Variants in BRCC3 observed in about 807,000 individuals in gnomAD.
BRCC3 encodes the protein BRCA1/BRCA2-containing complex subunit 3, also known as lys-63-specific deubiquitinase BRCC36.
Under a neutral mutation model 28.0 loss-of-function variants are expected in BRCC3, and 15 were observed. The ratio of observed to expected loss-of-function variants is 0.54; its 90% CI spans 0.36 to 0.82. The LOEUF (loss-of-function observed/expected upper bound fraction) is 0.82. Ranked by LOEUF, BRCC3 falls within the 40% of genes least tolerant of loss-of-function variation. The probability of loss-of-function intolerance (pLI) is 0.01; values close to 1 mark genes in which losing one functional copy is unlikely to be tolerated. For missense variants in BRCC3, 109 were observed against 225.9 expected (o/e 0.48, Z 3.32); for synonymous variants, 66 against 80.3 (o/e 0.82, Z 0.95).
intron 7 of BRCC3, among the ~76,000 whole-genome samples, chrX:155,105,375 C>T (rs899195205): frequency 5.4e-5 from 6 of 111,357 alleles, no homozygotes; most frequent in Admixed American, 1.9e-4. Flanking sequence ...CCCAGCTACT[C>T]GGGAGGCTGA....
In BRCC3 at chrX:155,121,507, C is replaced by T. The variant is rs1229155968; in HGVS notation, c.*303C>T. 8.9e-6 allele frequency: 1 copy of T among 111,968 alleles called. No homozygotes were observed. Among genetic ancestry groups the T allele is most frequent in the Non-Finnish European group, 1.9e-5 (1 of 53,192 alleles). 9.2% of individuals were successfully genotyped at this position (111,968 alleles called of 1,213,427 possible). The stretch of plus-strand genomic sequence containing the variant: ...AATTATGCTAGAGCAATTAGACACC[C>T]ATGGCGAGGAGAAAAAAGAACCTCT... On this transcript the variant is annotated 3_prime_UTR_variant, in exon 11 of 11. Coordinates refer to ENST00000330045, the MANE Select transcript of BRCC3 (RefSeq NM_001018055.3).
chrX:155,096,863 G>A (rs2074213125), intron 7 of BRCC3, among the ~76,000 whole-genome samples: 1 of 112,126 alleles, frequency 8.9e-6, no homozygotes, highest in Non-Finnish European at 1.9e-5. Flanking sequence ...TGCTTATGCA[G>A]TCAACTAACC....
intron 4 of BRCC3, among the ~76,000 whole-genome samples, chrX:155,078,281 T>A (rs2074061071): frequency 1.8e-5 from 2 of 112,381 alleles, no homozygotes; most frequent in African/African-American, 6.5e-5. Flanking sequence ...CTAATGAGCA[T>A]TTTACAGGAT....
chrX:155,121,713 T>C lies in BRCC3; in HGVS notation c.*509T>C, dbSNP rs1228030310. 2.7e-5 allele frequency: 3 copies of C among 112,362 alleles called. No homozygotes were observed. The highest frequency in any genetic ancestry group is 9.7e-5 in the African/African-American group (3 of 30,939). The allele number at this position is 112,362 out of a possible 1,213,427, so 9.3% of individuals were successfully genotyped here. On this transcript the variant is annotated 3_prime_UTR_variant, in exon 11 of 11. Transcript: ENST00000330045. ...CATCCATAAAAGACAAAATCTGATATATTGGACTTCTTCAAAATTTAAAAA... is the reference window on the plus strand; with the variant it reads ...CATCCATAAAAGACAAAATCTGATACATTGGACTTCTTCAAAATTTAAAAA...
intron 8 of BRCC3, 92 bp downstream of exon 8, chrX:155,116,280 G>C: frequency 1.1e-6 from 1 of 883,038 alleles, no homozygotes; most frequent in Admixed American, 3.8e-5. Flanking sequence ...CTCAACTCTT[G>C]AGGCCCCTTC....
At chrX:155,104,010 G>A (rs1467139704) in intron 7 of BRCC3, among the ~76,000 whole-genome samples, 1 of 110,904 alleles carries the variant, frequency 9.0e-6, no homozygotes, top group African/African-American at 3.3e-5. Context: ...CACCTAGGCT[G>A]GAGTGCAGTC....
rs2073982892 is a variant in BRCC3, at chrX:155,071,642, ATAGGGGAGGTGAGTAGGTCTGT to A, written c.119_123+17del. The A allele has an allele frequency of 8.3e-7, 1 of 1,206,581 alleles. No homozygotes were observed. The highest frequency in any genetic ancestry group is 1.7e-5 in the African/African-American group (1 of 57,242). On this transcript the variant is annotated splice_donor_variant and splice_donor_5th_base_variant and coding_sequence_variant and intron_variant, in exon 1 of 11. Coordinates refer to ENST00000330045, the MANE Select transcript of BRCC3 (RefSeq NM_001018055.3). LOFTEE classifies it high-confidence loss of function. ...GAAGGAGGAAGTAATGGGGCTGTGC[ATAGGGGAGGTGAGTAGGTCTGT>A]TAGCCTGGATGGAACCCTGCTGAGC...
intron 5 of BRCC3, among the ~76,000 whole-genome samples, chrX:155,079,266 G>A (rs984270176): frequency 9.0e-6 from 1 of 111,268 alleles, no homozygotes; most frequent in Non-Finnish European, 1.9e-5. Context: ...TAATCCTTGT[G>A]GCAACCTGTG....
intron 7 of BRCC3, among the ~76,000 whole-genome samples, chrX:155,102,945 G>A (rs1044476362): frequency 1.5e-4 from 17 of 111,520 alleles, no homozygotes; most frequent in African/African-American, 5.2e-4. Context: ...GTGTGTGTGT[G>A]TGTGCGTGTG....
intron 3 of BRCC3, among the ~76,000 whole-genome samples, 155 bp from the exon 4 acceptor site, chrX:155,077,013 CTT>C (rs782352998): frequency 1.2e-4 from 13 of 111,432 alleles, no homozygotes; most frequent in Non-Finnish European, 1.7e-4. Context: ...GGTTGGGTGT[CTT>C]TTATTTGAAA....
chrX:155,081,134 C>G (rs1339753208), intron 5 of BRCC3, among the ~76,000 whole-genome samples: 6 of 110,369 alleles, frequency 5.4e-5, no homozygotes, highest in African/African-American at 2.0e-4. Context: ...AGTTGGAGAC[C>G]CACCTGGCCA....
intron 7 of BRCC3, among the ~76,000 whole-genome samples, chrX:155,102,710 T>C (rs1298897914): frequency 3.6e-5 from 4 of 112,561 alleles, no homozygotes; most frequent in African/African-American, 1.3e-4. Context: ...TGATGTTACC[T>C]GAAGATTTTT....
chrX:155,077,384 A>G (rs1164210358), intron 4 of BRCC3, 95 bp downstream of exon 4: 1 of 831,211 alleles, frequency 1.2e-6, no homozygotes, highest in Admixed American at 3.4e-5. Context: ...GTGGTTTCAC[A>G]AGTTTTCTTC....
At chrX:155,082,253 C>T (rs193057987) in intron 5 of BRCC3, among the ~76,000 whole-genome samples, 228 of 112,175 alleles carry the variant, frequency 2.0e-3, no homozygotes, top group Middle Eastern at 4.6e-3. Flanking sequence ...TAGCAACATA[C>T]ATGTACACAG....
intron 3 of BRCC3, among the ~76,000 whole-genome samples, chrX:155,076,036 T>C (rs1311842828): frequency 8.9e-6 from 1 of 112,625 alleles, no homozygotes; most frequent in African/African-American, 3.2e-5. Context: ...ATTCATATTC[T>C]GCTTATGTAA....
At chrX:155,102,722 A>G (rs1421516449) in intron 7 of BRCC3, among the ~76,000 whole-genome samples, 1 of 112,439 alleles carries the variant, frequency 8.9e-6, no homozygotes, top group Non-Finnish European at 1.9e-5. Flanking sequence ...AAGATTTTTC[A>G]TAGATTCCTT....
intron 3 of BRCC3, among the ~76,000 whole-genome samples, chrX:155,076,585 A>G (rs1431682423): frequency 9.1e-6 from 1 of 110,446 alleles, no homozygotes; most frequent in African/African-American, 3.3e-5. Context: ...GAAGTGCCAC[A>G]CTTTTAAACC....
Position 155,113,788 on chromosome X carries a change from C to G in BRCC3, c.549-2269C>G, listed in dbSNP as rs139973843. Reference sequence around the variant, plus strand: ...AGAATATATAAAGAACTCCTACACTCAACAACAAAAAAATCTGATTTTAAA... The same window carrying G: ...AGAATATATAAAGAACTCCTACACTGAACAACAAAAAAATCTGATTTTAAA... On this transcript the variant is annotated intron_variant, in intron 7 of 10. Coordinates refer to ENST00000330045, the MANE Select transcript of BRCC3 (RefSeq NM_001018055.3). Among the ~76,000 whole-genome samples the G allele has an allele frequency of 1.5e-4, 16 of 109,976 alleles. 1 individual carries two copies. The East Asian group carries it at 4.6e-3, about 32-fold the overall frequency.
At chrX:155,098,012 G>A (rs2074222202) in intron 7 of BRCC3, among the ~76,000 whole-genome samples, 1 of 112,301 alleles carries the variant, frequency 8.9e-6, no homozygotes, top group Non-Finnish European at 1.9e-5. Flanking sequence ...CTAAGAGATA[G>A]TTGTGCACCC....
Sources: gnomAD v4.1 joint callset for allele counts (sites outside exome capture counted in the v4.1 genomes callset) on GRCh38, gnomAD v4.1.1 for gene constraint, MANE v1.5 for transcripts, NCBI Gene and HGNC (gene_info 2026-07-23, HGNC 2026-07-21) for gene names.